Variants in RFTN1 observed in about 807,000 individuals in gnomAD.
RFTN1 encodes the protein raftlin, lipid raft linker 1, also known as raftlin.
In RFTN1, 26 loss-of-function variants were observed where a neutral mutation model predicts 46.5. The ratio of observed to expected loss-of-function variants is 0.56; its 90% confidence interval spans 0.41 to 0.78. The LOEUF is 0.78. Among genes scored for constraint, RFTN1 ranks in the 30% least tolerant of loss-of-function variants. RFTN1 has a pLI of 0.00. For synonymous variants in RFTN1, 261 were observed against 284.2 expected (o/e 0.92, Z 0.82); for missense variants, 693 against 718.7 (o/e 0.96, Z 0.41).
At chr3:16,437,856 G>T (rs182358942) in intron 2 of RFTN1, among the ~76,000 whole-genome samples, 24 of 142,520 alleles carry the variant, frequency 1.7e-4, no homozygotes, top group African/African-American at 6.0e-4. Flanking sequence ...GCTGGGTGTC[G>T]ACCTTATGGA....
chr3:16,387,611 T>TCTCTCTCTCTCTCTCTCTCTCTC lies in RFTN1; in HGVS notation c.442-9510_442-9509insGAGAGAGAGAGAGAGAGAGAGAG, dbSNP rs67676889. Among the ~76,000 whole-genome samples the TCTCTCTCTCTCTCTCTCTCTCTC allele has an allele frequency of 7.6e-6, 1 of 131,526 alleles. No individual in the cohort carries two copies. The highest frequency in any genetic ancestry group is 2.9e-5 in the African/African-American group (1 of 33,950). 86.3% of individuals were successfully genotyped at this position (131,526 alleles called of 152,430 possible). Reference sequence around the variant, plus strand: ...CTCTCTCTCTCTCTCTCTCTCTCTCTACTGGCTCCTTCCACTCAGCATACA... The same window carrying TCTCTCTCTCTCTCTCTCTCTCTC: ...CTCTCTCTCTCTCTCTCTCTCTCTCTCTCTCTCTCTCTCTCTCTCTCTCACTGGCTCCTTCCACTCAGCATACA... On this transcript the variant is annotated intron_variant, in intron 4 of 9. Coordinates refer to ENST00000334133, the MANE Select transcript of RFTN1 (RefSeq NM_015150.2). This position sits in a 1 kb window ranked among gnomAD's most constrained non-coding sequence, Gnocchi z 5.2.
At chr3:16,372,773 G>A (rs1164343044) in intron 5 of RFTN1, among the ~76,000 whole-genome samples, 3 of 152,230 alleles carry the variant, frequency 2.0e-5, no homozygotes, top group African/African-American at 7.2e-5. Flanking sequence ...GGTAGACGGT[G>A]CTGACAGCTT....
chr3:16,428,958 T>C lies in RFTN1; in HGVS notation c.332+4893A>G, dbSNP rs971929648. ...AGAATTCAGAGTGAGTGCAACTATA[T>C]TGTCTATTAAAAATCACTAAGTGTT... is the stretch of plus-strand genomic sequence containing the variant. On this transcript the variant is annotated intron_variant, in intron 3 of 9. Transcript: ENST00000334133. This position sits in a 1 kb window ranked among gnomAD's most constrained non-coding sequence, Gnocchi z 4.7. 6.6e-6 allele frequency among the ~76,000 whole-genome samples: 1 copy of C among 152,238 alleles called. No individual in the cohort carries two copies. Among genetic ancestry groups the C allele is most frequent in the African/African-American group, 2.4e-5 (1 of 41,468 alleles).
chr3:16,492,413 A>G (rs926980065), intron 2 of RFTN1, among the ~76,000 whole-genome samples: 12 of 152,192 alleles, frequency 7.9e-5, no homozygotes, highest in African/African-American at 2.9e-4. Flanking sequence ...TAATCTTCAC[A>G]ACTGCCCCAT....
chr3:16,359,219 A>C (rs892251241), intron 6 of RFTN1, among the ~76,000 whole-genome samples: 33 of 152,136 alleles, frequency 2.2e-4, no homozygotes, highest in Admixed American at 9.2e-4. Flanking sequence ...CTCTATCATG[A>C]AAGGTGATGT....
intron 2 of RFTN1, among the ~76,000 whole-genome samples, chr3:16,437,866 A>T (rs2075546845): frequency 8.1e-6 from 1 of 123,738 alleles, no homozygotes; most frequent in African/African-American, 3.0e-5. Context: ...GACCTTATGG[A>T]AACCAGGGGC....
chr3:16,456,521 G>A (rs2075908287), intron 2 of RFTN1, among the ~76,000 whole-genome samples: 1 of 152,088 alleles, frequency 6.6e-6, no homozygotes, highest in African/African-American at 2.4e-5. Context: ...TTAGGAATAA[G>A]TTTATTATTA....
intron 3 of RFTN1, among the ~76,000 whole-genome samples, chr3:16,411,367 A>G (rs1307735049): frequency 6.6e-6 from 1 of 152,234 alleles, no homozygotes; most frequent in Admixed American, 6.5e-5. Context: ...AGTGAAAAAA[A>G]TGAAAGAGGA....
At chr3:16,368,323 G>T (rs1432031856) in intron 6 of RFTN1, among the ~76,000 whole-genome samples, 1 of 152,136 alleles carries the variant, frequency 6.6e-6, no homozygotes, top group Non-Finnish European at 1.5e-5. Flanking sequence ...GTAGAGGGAG[G>T]TTACCCACCT....
chr3:16,357,894 C>A, intron 7 of RFTN1, 38 bp downstream of exon 7: 1 of 1,305,142 alleles, frequency 7.7e-7, no homozygotes, highest in South Asian at 1.2e-5. Context: ...CAAGTGCTGT[C>A]TAAACAAAAG....
At chr3:16,409,986 C>G (rs1002342455) in intron 3 of RFTN1, among the ~76,000 whole-genome samples, 3 of 136,398 alleles carry the variant, frequency 2.2e-5, no homozygotes, top group Non-Finnish European at 4.8e-5. Flanking sequence ...TGTGCCCAGA[C>G]GCAGAATATT....
At chr3:16,419,791 C>T (rs978694565) in intron 3 of RFTN1, among the ~76,000 whole-genome samples, 1 of 152,078 alleles carries the variant, frequency 6.6e-6, no homozygotes, top group Admixed American at 6.5e-5. Context: ...GGAAGCACAA[C>T]GAAGGAGAAG....
chr3:16,365,536 A>G lies in RFTN1; in HGVS notation c.1030+4540T>C, dbSNP rs541518694. Among the ~76,000 whole-genome samples the G allele has an allele frequency of 2.6e-5, 4 of 152,316 alleles. No individual in the cohort carries two copies. The East Asian group carries it at 7.7e-4, about 29-fold the overall frequency. ...TGGAGGATATGCTAGGTGTCAAAAA[A>G]AGGTGGTATAAATACCCATACAAAG... On this transcript the variant is annotated intron_variant, in intron 6 of 9. Coordinates refer to ENST00000334133, the MANE Select transcript of RFTN1 (RefSeq NM_015150.2).
intron 2 of RFTN1, among the ~76,000 whole-genome samples, chr3:16,445,017 T>C (rs1044649980): frequency 6.6e-6 from 1 of 152,198 alleles, no homozygotes; most frequent in Non-Finnish European, 1.5e-5. Flanking sequence ...GGAATTTAAC[T>C]CTTGATTTTC....
chr3:16,389,877 A>AC (rs1293357820), intron 4 of RFTN1, among the ~76,000 whole-genome samples: 1 of 152,124 alleles, frequency 6.6e-6, no homozygotes, highest in East Asian at 1.9e-4. Flanking sequence ...CCCTTATGTG[A>AC]CCTCCAAGGT....
In RFTN1 at chr3:16,475,047, C is replaced by T. The variant is rs1021148122; in HGVS notation, c.145+18678G>A. 4.6e-5 allele frequency among the ~76,000 whole-genome samples: 7 copies of T among 152,154 alleles called. No homozygotes were observed. The highest frequency in any genetic ancestry group is 9.7e-5 in the African/African-American group (4 of 41,432). ...TCACGAAAGGCTTGCTGTCCTCCTT[C>T]GAGGTAATGAGTGAGTTCACGTGAG... On this transcript the variant is annotated intron_variant, in intron 2 of 9. Coordinates refer to ENST00000334133, the MANE Select transcript of RFTN1 (RefSeq NM_015150.2). This position sits in a 1 kb window ranked among gnomAD's most constrained non-coding sequence, Gnocchi z 4.2.
intron 2 of RFTN1, among the ~76,000 whole-genome samples, chr3:16,439,320 G>A (rs9817739): frequency 0.22 from 34,068 of 152,114 alleles, 4,110 homozygotes; most frequent in African/African-American, 0.29. Context: ...GGACATACCA[G>A]TTGTAGCCTG....
chr3:16,396,267 T>C (rs1408130471), intron 4 of RFTN1, among the ~76,000 whole-genome samples: 1 of 152,190 alleles, frequency 6.6e-6, no homozygotes, highest in Non-Finnish European at 1.5e-5. Flanking sequence ...AACCAGTGCA[T>C]CTTTTTTTAA....
In RFTN1 at chr3:16,410,212, TACACACAC is replaced by T. The variant is rs66657696; in HGVS notation, c.333-737_333-730del. 9.2e-3 allele frequency among the ~76,000 whole-genome samples: 1,300 copies of T among 141,280 alleles called. 9 individuals carry two copies. The highest frequency in any genetic ancestry group is 0.034 in the East Asian group (160 of 4,714). 92.7% of individuals were successfully genotyped at this position (141,280 alleles called of 152,430 possible). On this transcript the variant is annotated intron_variant, in intron 3 of 9. Transcript: ENST00000334133. The surrounding 1 kb of genome is among the most constrained non-coding windows in gnomAD (Gnocchi z 4.6). ...TTGGTACAATACAGCTTACATGTTA[TACACACAC>T]ACACACACACACACACACACACACA... is the stretch of plus-strand genomic sequence containing the variant.
Sources: allele counts gnomAD v4.1 joint callset (sites outside exome capture counted in the v4.1 genomes callset), GRCh38; gene constraint gnomAD v4.1.1; non-coding constraint Gnocchi (gnomAD v3.1); transcripts MANE v1.5; gene names NCBI Gene and HGNC (gene_info 2026-07-23, HGNC 2026-07-21).